The following ELAVL4 variants were observed in gnomAD, a reference collection of about 807,000 sequenced individuals.
ELAVL4 encodes the protein ELAV-like protein 4.
ELAVL4 carries 1 observed loss-of-function variant against 35.6 expected under a neutral mutation model. That is an observed-to-expected ratio of 0.03 (90% CI 0.01 to 0.13). The LOEUF (loss-of-function observed/expected upper bound fraction) is 0.13. Among genes scored for constraint, ELAVL4 ranks in the 10% least tolerant of loss-of-function variants. The pLI is 1.00. For synonymous variants in ELAVL4, 156 were observed against 171.0 expected, an observed-to-expected ratio of 0.91 and a Z score of 0.69; for missense variants, 267 against 464.9, an observed-to-expected ratio of 0.57 and a Z score of 3.91.
At chr1:50,078,276 C>T (rs960358620) in intron 1 of ELAVL4, among the ~76,000 whole-genome samples, 6 of 151,896 alleles carry the variant, frequency 4.0e-5, no homozygotes, top group African/African-American at 1.2e-4. Context: ...GTGTGTGAAG[C>T]GATAAATAAT....
chr1:50,144,791 T>C, intron 1 of ELAVL4, 166 bp from the exon 2 acceptor site: 1 of 1,026,596 alleles, frequency 9.7e-7, no homozygotes, highest in African/African-American at 1.6e-5. Flanking sequence ...GTTTAACATT[T>C]TGGTTAAAAA....
rs150048857 is a variant in ELAVL4, at chr1:50,111,886, C to T, written c.9+2688C>T. Reference sequence around the variant, plus strand: ...TAGTATTTGGGTGAACAGGAGATAGCGTAAAAACAATTGAAATGGTGATCT... The same window carrying T: ...TAGTATTTGGGTGAACAGGAGATAGTGTAAAAACAATTGAAATGGTGATCT... On this transcript the variant is annotated intron_variant, in intron 1 of 6. Transcript: ENST00000371824. Among the ~76,000 whole-genome samples the T allele has an allele frequency of 6.6e-3, 1,003 of 151,974 alleles. 5 individuals carry two copies. The highest frequency in any genetic ancestry group is 0.031 in the Middle Eastern group (9 of 294).
At chr1:50,082,882 A>T (rs895366090) in intron 1 of ELAVL4, among the ~76,000 whole-genome samples, 2 of 152,064 alleles carry the variant, frequency 1.3e-5, no homozygotes, top group Non-Finnish European at 2.9e-5. Flanking sequence ...GTACCTATGT[A>T]CCTACCCACC....
At position 50,109,016 on chromosome 1, in the gene ELAVL4, C is replaced by CGGGGGGGGGGGGGGGGGGGG; in HGVS notation, c.-174_-173insGGGGGGGGGGGGGGGGGGGG. The CGGGGGGGGGGGGGGGGGGGG allele has an allele frequency of 2.2e-6, 2 of 905,750 alleles. No individual in the cohort carries two copies. Among genetic ancestry groups the CGGGGGGGGGGGGGGGGGGGG allele is most frequent in the Non-Finnish European group, 2.6e-6 (2 of 761,370 alleles). The allele number at this position is 905,750 out of a possible 1,614,324, so 56.1% of individuals were successfully genotyped here. A position where few individuals can be genotyped will look rare whatever the true frequency, so the allele number is the denominator to read the frequency against. ...CTCCTTTTCTTTTTTTTCTTTCTCT[C>CGGGGGGGGGGGGGGGGGGGG]CCCCGCCCACCCCCCCAAAAATAAT... On this transcript the variant is annotated 5_prime_UTR_variant, in exon 1 of 7. Transcript: ENST00000371824.
chr1:50,052,578 G>A lies in ELAVL4; in HGVS notation c.18+4396G>A, dbSNP rs370405787. 3.5e-4 allele frequency among the ~76,000 whole-genome samples: 54 copies of A among 152,250 alleles called. 1 individual carries two copies. The South Asian group carries it at 9.5e-3, about 27-fold the overall frequency. ...ACTTTCATACCCCCTTGTCATTTGA[G>A]CTCTTTGACCCTCTGGTATCTCTGA... On this transcript the variant is annotated intron_variant, in intron 1 of 6. Coordinates refer to the ELAVL4 transcript ENST00000448907.
intron 1 of ELAVL4, among the ~76,000 whole-genome samples, chr1:50,073,518 C>A (rs1254931273): frequency 1.3e-5 from 2 of 151,524 alleles, no homozygotes; most frequent in Non-Finnish European, 2.9e-5. Context: ...CTGCAAGATG[C>A]TAAATAAGGA....
chr1:50,140,266 G>A (rs1420579040), intron 1 of ELAVL4, among the ~76,000 whole-genome samples: 2 of 152,196 alleles, frequency 1.3e-5, no homozygotes, highest in Non-Finnish European at 2.9e-5. Flanking sequence ...ATATTTATTT[G>A]CAATGAAAAT....
At chr1:50,065,961 A>G (rs1557683482) in intron 1 of ELAVL4, among the ~76,000 whole-genome samples, 1 of 152,188 alleles carries the variant, frequency 6.6e-6, no homozygotes, top group African/African-American at 2.4e-5. Flanking sequence ...AGAGAGAGCG[A>G]AAGTAAGGAA....
intron 2 of ELAVL4, among the ~76,000 whole-genome samples, chr1:50,159,534 G>A (rs1676390795): frequency 6.6e-6 from 1 of 151,944 alleles, no homozygotes; most frequent in Non-Finnish European, 1.5e-5. Context: ...ACTTGAACCT[G>A]AGAGGCGGAG....
At chr1:50,148,219 C>T (rs1674095328) in intron 2 of ELAVL4, among the ~76,000 whole-genome samples, 1 of 152,110 alleles carries the variant, frequency 6.6e-6, no homozygotes, top group Non-Finnish European at 1.5e-5. Flanking sequence ...GGGAGTCACC[C>T]CTACTTTCCA....
chr1:50,192,683 C>T (rs1320627223), intron 3 of ELAVL4, among the ~76,000 whole-genome samples: 1 of 152,142 alleles, frequency 6.6e-6, no homozygotes, highest in East Asian at 1.9e-4. Flanking sequence ...CAGATGTGCT[C>T]TGAAATGACT....
intron 1 of ELAVL4, among the ~76,000 whole-genome samples, chr1:50,083,692 C>T (rs1665109172): frequency 6.6e-6 from 1 of 152,182 alleles, no homozygotes; most frequent in Non-Finnish European, 1.5e-5. Flanking sequence ...CTCCAGGGCA[C>T]AGCTGCTATT....
chr1:50,059,766 A>G (rs1324920876), intron 1 of ELAVL4, among the ~76,000 whole-genome samples: 1 of 152,252 alleles, frequency 6.6e-6, no homozygotes, highest in Non-Finnish European at 1.5e-5. Flanking sequence ...GCAGTGGAAT[A>G]TTATTCAGCC....
intron 1 of ELAVL4, among the ~76,000 whole-genome samples, chr1:50,051,255 C>T (rs1663363049): frequency 6.6e-6 from 1 of 152,058 alleles, no homozygotes; most frequent in African/African-American, 2.4e-5. Flanking sequence ...TCTCATATTC[C>T]CTCAAGCCTT....
At chr1:50,175,345 G>A (rs1679799545) in intron 2 of ELAVL4, 1 of 150,862 alleles carries the variant, frequency 6.6e-6, no homozygotes, top group African/African-American at 2.4e-5. Context: ...GGGAACATAT[G>A]GCAGGGTCTT....
Position 50,198,386 on chromosome 1 carries a change from T to A in ELAVL4, c.773+919T>A, listed in dbSNP as rs577465502. 2.6e-5 allele frequency among the ~76,000 whole-genome samples: 4 copies of A among 152,284 alleles called. No individual in the cohort carries two copies. In the South Asian group the frequency reaches 8.3e-4, roughly 32 times the overall value. On this transcript the variant is annotated intron_variant, in intron 6 of 6. Coordinates refer to ENST00000371824, the MANE Select transcript of ELAVL4 (RefSeq NM_001144774.3). ...TAGAGCTGCACACTTTAATTCCCCT[T>A]CCTACAGTCAAGGGAAAGAGATGTA...
At chr1:50,163,654 C>T (rs943549945) in intron 2 of ELAVL4, among the ~76,000 whole-genome samples, 2 of 152,068 alleles carry the variant, frequency 1.3e-5, no homozygotes, top group Non-Finnish European at 2.9e-5. Context: ...TGCAAAATCT[C>T]GTCTCTACTA....
chr1:50,165,644 GTA>G lies in ELAVL4; in HGVS notation c.251-11437_251-11436del, dbSNP rs563844526. On this transcript the variant is annotated intron_variant, in intron 2 of 6. Transcript: ENST00000371824. Reference sequence around the variant, plus strand: ...TATATGCATAAATATATGTATATAGGTATATATATGTGTGTATATATGTATAT... The same window carrying G: ...TATATGCATAAATATATGTATATAGGTATATATGTGTGTATATATGTATAT... Among the ~76,000 whole-genome samples, 871 of 144,924 alleles carry G rather than the reference GTA, an allele frequency of 6.0e-3. 7 individuals are homozygous for G. The highest frequency in any genetic ancestry group is 0.02 in the African/African-American group (794 of 39,490).
intron 2 of ELAVL4, among the ~76,000 whole-genome samples, chr1:50,164,243 G>C (rs1256105476): frequency 6.6e-6 from 1 of 152,124 alleles, no homozygotes; most frequent in African/African-American, 2.4e-5. Context: ...CCTTTAAAGG[G>C]ATCTTATGGG....
Sources: allele counts gnomAD v4.1 joint callset (sites outside exome capture counted in the v4.1 genomes callset), GRCh38; gene constraint gnomAD v4.1.1; transcripts MANE v1.5; gene names NCBI Gene and HGNC (gene_info 2026-07-23, HGNC 2026-07-21).